BMPR2: variants seen among roughly 807,000 people sequenced by gnomAD.
BMPR2 encodes bone morphogenetic protein receptor type-2.
Under a neutral mutation model 100.8 loss-of-function variants are expected in BMPR2, and 29 were observed. That is an observed-to-expected ratio of 0.29 (90% CI 0.21 to 0.39). The LOEUF is 0.39. BMPR2 is among the 10% of genes least tolerant of loss of function. The pLI, the probability that BMPR2 is intolerant of heterozygous loss-of-function variation, is 1.00. For missense variants in BMPR2, 1,011 were observed against 1,274.5 expected, an observed-to-expected ratio of 0.79 and a Z score of 3.15; for synonymous variants, 382 against 442.3, an observed-to-expected ratio of 0.86 and a Z score of 1.71.
chr2:202,554,577 C>T (rs1176886528), intron 11 of BMPR2, among the ~76,000 whole-genome samples: 2 of 152,044 alleles, frequency 1.3e-5, no homozygotes, highest in African/African-American at 2.4e-5. Flanking sequence ...AACTGTCACT[C>T]CCAAGGAATG....
chr2:202,483,338 A>G (rs1055345620), intron 3 of BMPR2, among the ~76,000 whole-genome samples: 5 of 150,802 alleles, frequency 3.3e-5, no homozygotes, highest in Non-Finnish European at 7.4e-5. Context: ...ATAATGTGCA[A>G]GTTTTTATTT....
In BMPR2 at chr2:202,449,092, C is replaced by T. The variant is rs529718788; in HGVS notation, c.77-15717C>T. Among the ~76,000 whole-genome samples the T allele has an allele frequency of 9.3e-4, 141 of 151,616 alleles. 1 individual carries two copies. Among genetic ancestry groups the T allele is most frequent in the African/African-American group, 3.2e-3 (132 of 41,360 alleles). ...CAGCACTTTGGGAGGCCAAGGCAGGCGAGGTCGGGAGTTCGAGACCAGCCT... is the reference window on the plus strand; with the variant it reads ...CAGCACTTTGGGAGGCCAAGGCAGGTGAGGTCGGGAGTTCGAGACCAGCCT... On this transcript the variant is annotated intron_variant, in intron 1 of 12. Transcript: ENST00000374580.
intron 1 of BMPR2, among the ~76,000 whole-genome samples, chr2:202,387,684 C>T (rs1690457187): frequency 1.3e-5 from 2 of 152,218 alleles, no homozygotes; most frequent in Admixed American, 6.5e-5. Flanking sequence ...TAAAAAAATT[C>T]ATTGAAGATT....
chr2:202,477,376 A>AT lies in BMPR2; in HGVS notation c.418+9697dup, dbSNP rs774127709. Among the ~76,000 whole-genome samples the AT allele has an allele frequency of 1.8e-3, 269 of 150,198 alleles. 1 individual carries two copies. Among genetic ancestry groups the AT allele is most frequent in the African/African-American group, 5.1e-3 (209 of 41,026 alleles). On this transcript the variant is annotated intron_variant, in intron 3 of 12. Transcript: ENST00000374580. Reference sequence around the variant, plus strand: ...TATGTATGAAAGCCTATATTCTGTGATTTTTTTTTTAATTTGAAGGATTGT... The same window carrying AT: ...TATGTATGAAAGCCTATATTCTGTGATTTTTTTTTTTAATTTGAAGGATTGT...
chr2:202,384,583 C>CTTTCT (rs1690386312), intron 1 of BMPR2, among the ~76,000 whole-genome samples: 5 of 119,330 alleles, frequency 4.2e-5, no homozygotes, highest in Middle Eastern at 8.2e-3. Flanking sequence ...TCTTTCTTTT[C>CTTTCT]TTTCTTTTCT....
chr2:202,557,510 CACACAA>C (rs1688599692), intron 12 of BMPR2, among the ~76,000 whole-genome samples: 2 of 134,662 alleles, frequency 1.5e-5, no homozygotes, highest in South Asian at 2.6e-4. Flanking sequence ...CACACACACA[CACACAA>C]ATTAGCTGGG....
In BMPR2 at chr2:202,391,768, C is replaced by CT. The variant is rs1034526873; in HGVS notation, c.76+14230dup. The stretch of plus-strand genomic sequence containing the variant: ...GCCCGGCTACAGTCTACACTTTTTT[C>CT]TTTTTTTTTTTTGAGATGGAGTCGC... On this transcript the variant is annotated intron_variant, in intron 1 of 12. Coordinates refer to ENST00000374580, the MANE Select transcript of BMPR2 (RefSeq NM_001204.7). Among the ~76,000 whole-genome samples, 369 of 143,362 alleles carry CT rather than the reference C, an allele frequency of 2.6e-3. 3 individuals carry two copies. Among genetic ancestry groups the CT allele is most frequent in the African/African-American group, 7.4e-3 (291 of 39,362 alleles). The allele number at this position is 143,362 out of a possible 152,430, so 94.1% of individuals were successfully genotyped here.
intron 3 of BMPR2, among the ~76,000 whole-genome samples, chr2:202,486,162 A>C (rs1383550177): frequency 3.3e-5 from 5 of 152,170 alleles, no homozygotes; most frequent in Admixed American, 3.3e-4. Context: ...TGCTTGTCTT[A>C]AGAAAGAAAG....
intron 6 of BMPR2, 120 bp downstream of exon 6, chr2:202,519,172 G>A (rs570045809): frequency 8.0e-5 from 81 of 1,010,826 alleles, no homozygotes; most frequent in African/African-American, 1.9e-4. Flanking sequence ...GACCAGCCTC[G>A]CCAACATGGC....
Position 202,563,426 on chromosome 2 carries a change from G to A in BMPR2, c.*3480G>A, listed in dbSNP as rs1319038123. ...CACTGCAGCCTAGGCGACAGAGCAA[G>A]ACTGCCTCAAAAAAAAAACATAAAA... is the stretch of plus-strand genomic sequence containing the variant. On this transcript the variant is annotated 3_prime_UTR_variant, in exon 13 of 13. Transcript: ENST00000374580. 1 of 151,628 alleles carries A rather than the reference G, an allele frequency of 6.6e-6. No homozygotes were observed. Among genetic ancestry groups the A allele is most frequent in the East Asian group, 1.9e-4 (1 of 5,174 alleles). 9.4% of individuals were successfully genotyped at this position (151,628 alleles called of 1,614,324 possible).
chr2:202,522,063 G>A (rs1329160181), intron 7 of BMPR2, among the ~76,000 whole-genome samples: 1 of 152,100 alleles, frequency 6.6e-6, no homozygotes, highest in Non-Finnish European at 1.5e-5. Context: ...GATGGCTGAG[G>A]TGGGAGGATT....
Position 202,544,141 on chromosome 2 carries a change from C to CA in BMPR2, c.1413+1703dup, listed in dbSNP as rs541812792. 5.1e-3 allele frequency among the ~76,000 whole-genome samples: 751 copies of CA among 147,684 alleles called. 1 individual carries two copies. Among genetic ancestry groups the CA allele is most frequent in the African/African-American group, 8.8e-3 (352 of 40,194 alleles). On this transcript the variant is annotated intron_variant, in intron 10 of 12. Transcript: ENST00000374580. ...TGGGTGACAGAGTGAGACCCCATCT[C>CA]AAAAAAAAACAAAAAAAAATTTGAA...
At chr2:202,545,019 C>T (rs1574501386) in intron 10 of BMPR2, among the ~76,000 whole-genome samples, 2 of 151,948 alleles carry the variant, frequency 1.3e-5, no homozygotes, top group Middle Eastern at 6.9e-3. Context: ...ACCTCAGCTT[C>T]TCAAAGTACT....
intron 1 of BMPR2, among the ~76,000 whole-genome samples, chr2:202,385,396 C>A (rs1220071050): frequency 8.6e-6 from 1 of 115,984 alleles, no homozygotes; most frequent in Non-Finnish European, 1.7e-5. Context: ...GACGGAGTCT[C>A]GCTTTGTTGC....
chr2:202,512,259 A>G (rs914166733), intron 3 of BMPR2, among the ~76,000 whole-genome samples: 1 of 152,226 alleles, frequency 6.6e-6, no homozygotes, highest in African/African-American at 2.4e-5. Context: ...TGAGTATAAT[A>G]TGCTTGATTT....
At chr2:202,558,157 A>G (rs965856347) in intron 12 of BMPR2, among the ~76,000 whole-genome samples, 7 of 152,130 alleles carry the variant, frequency 4.6e-5, no homozygotes, top group African/African-American at 1.7e-4. Flanking sequence ...CATCTCTACA[A>G]AAAATTTAAA....
At chr2:202,456,158 T>G (rs561477399) in intron 1 of BMPR2, among the ~76,000 whole-genome samples, 2 of 150,452 alleles carry the variant, frequency 1.3e-5, no homozygotes, top group African/African-American at 5.0e-5. Flanking sequence ...GACACTATGT[T>G]TTTTTGTTTG....
At chr2:202,431,477 A>T (rs991011314) in intron 1 of BMPR2, among the ~76,000 whole-genome samples, 1 of 150,724 alleles carries the variant, frequency 6.6e-6, no homozygotes, top group Non-Finnish European at 1.5e-5. Context: ...ATTTAAATGC[A>T]TTTTAAAATT....
chr2:202,460,558 T>C (rs181177992), intron 1 of BMPR2, among the ~76,000 whole-genome samples: 237 of 152,090 alleles, frequency 1.6e-3, no homozygotes, highest in African/African-American at 5.5e-3. Context: ...CTAAAGGAAG[T>C]AAAGAACAGA....
Sources: allele counts gnomAD v4.1 joint callset (sites outside exome capture counted in the v4.1 genomes callset), GRCh38; gene constraint gnomAD v4.1.1; transcripts MANE v1.5; gene names NCBI Gene and HGNC (gene_info 2026-07-23, HGNC 2026-07-21).